The following TOX3 variants were observed in gnomAD, a reference collection of about 807,000 sequenced individuals.
TOX3 encodes CAG trinucleotide repeat-containing gene F9 protein.
A neutral mutation model predicts 64.3 loss-of-function variants in TOX3; 22 were observed. That is an observed-to-expected ratio of 0.34 (90% CI 0.24 to 0.49). The LOEUF (loss-of-function observed/expected upper bound fraction) is 0.49, where lower values mean the gene tolerates loss of function less well. Ranked by LOEUF, TOX3 falls within the 20% of genes least tolerant of loss-of-function variation. The pLI is 0.99. For missense variants in TOX3, 661 were observed against 714.4 expected (o/e 0.93, Z 0.85); for synonymous variants, 291 against 273.6 (o/e 1.06, Z -0.63).
rs45482094 is a variant in TOX3, at chr16:52,535,424, C to T, written c.87+11213G>A. Among the ~76,000 whole-genome samples the T allele has an allele frequency of 4.5e-3, 683 of 152,292 alleles. 2 individuals are homozygous for T. The highest frequency in any genetic ancestry group is 6.2e-3 in the Non-Finnish European group (424 of 68,024). ...GCCCTTGATCCCCTTCAATCCCCTTCGTCCTTCTTGCTGGTCAAACCATGG... is the reference window on the plus strand; with the variant it reads ...GCCCTTGATCCCCTTCAATCCCCTTTGTCCTTCTTGCTGGTCAAACCATGG... On this transcript the variant is annotated intron_variant, in intron 1 of 6. Transcript: ENST00000219746.
chr16:52,459,553 A>G lies in TOX3; in HGVS notation c.408+4381T>C, dbSNP rs561114122. Among the ~76,000 whole-genome samples, 4 of 152,282 alleles carry G rather than the reference A, an allele frequency of 2.6e-5. No homozygotes were observed. The East Asian group carries it at 5.8e-4, about 22-fold the overall frequency. On this transcript the variant is annotated intron_variant, in intron 3 of 6. Transcript: ENST00000219746. ...CAAAATTATTCAATATGTATGATAA[A>G]TTTGTAAGCATTCAATTTGTATGAG...
chr16:52,511,669 T>G (rs928412089), intron 1 of TOX3, among the ~76,000 whole-genome samples: 5 of 152,220 alleles, frequency 3.3e-5, no homozygotes, highest in African/African-American at 1.2e-4. Flanking sequence ...TTTTTCTTTT[T>G]GTGTGTTTGT....
chr16:52,542,977 TAGAA>T (rs1963107291), intron 1 of TOX3, among the ~76,000 whole-genome samples: 1 of 152,082 alleles, frequency 6.6e-6, no homozygotes, highest in East Asian at 1.9e-4. Context: ...ACATAATAAT[TAGAA>T]AGCAAAGTCT....
At chr16:52,440,567 T>C (rs1959937325) in intron 6 of TOX3, among the ~76,000 whole-genome samples, 1 of 152,112 alleles carries the variant, frequency 6.6e-6, no homozygotes, top group South Asian at 2.1e-4. Context: ...TTCTTCTGCA[T>C]TTAAGTCTGT....
chr16:52,441,181 AAC>A (rs1438177363), intron 6 of TOX3, among the ~76,000 whole-genome samples: 2 of 152,176 alleles, frequency 1.3e-5, no homozygotes, highest in Non-Finnish European at 2.9e-5. Flanking sequence ...TTTATTAGTT[AAC>A]AGTTACTATT....
chr16:52,542,835 G>C (rs540356894), intron 1 of TOX3, among the ~76,000 whole-genome samples: 2 of 152,264 alleles, frequency 1.3e-5, no homozygotes, highest in South Asian at 4.1e-4. Flanking sequence ...TCCCCAAGAA[G>C]ATTGACAAAT....
chr16:52,525,712 C>T (rs967930189), intron 1 of TOX3, among the ~76,000 whole-genome samples: 5 of 152,184 alleles, frequency 3.3e-5, no homozygotes, highest in African/African-American at 1.2e-4. Flanking sequence ...CACACACGCA[C>T]ACCATTCCAA....
intron 3 of TOX3, among the ~76,000 whole-genome samples, chr16:52,461,840 G>A (rs1295156584): frequency 3.3e-5 from 5 of 152,170 alleles, no homozygotes; most frequent in African/African-American, 7.2e-5. Flanking sequence ...CTCAGTACCC[G>A]CAGAGAGATA....
chr16:52,489,190 C>A (rs901668786), intron 1 of TOX3, among the ~76,000 whole-genome samples: 3 of 152,090 alleles, frequency 2.0e-5, no homozygotes, highest in Non-Finnish European at 4.4e-5. Flanking sequence ...TTCATCTTTT[C>A]CCACTCCACT....
chr16:52,527,879 G>A (rs1165485851), intron 1 of TOX3, among the ~76,000 whole-genome samples: 3 of 152,122 alleles, frequency 2.0e-5, no homozygotes, highest in African/African-American at 4.8e-5. Context: ...GGGGACGTTC[G>A]GCAATATCTA....
chr16:52,454,788 T>A (rs1158533301), intron 3 of TOX3, among the ~76,000 whole-genome samples: 1 of 152,148 alleles, frequency 6.6e-6, no homozygotes, highest in Non-Finnish European at 1.5e-5. Context: ...ACCAGGAAAT[T>A]ACCATGCGAT....
At chr16:52,441,470 T>G (rs747548053) in intron 6 of TOX3, among the ~76,000 whole-genome samples, 5 of 152,140 alleles carry the variant, frequency 3.3e-5, no homozygotes, top group Non-Finnish European at 7.4e-5. Context: ...AGAGAGAAAC[T>G]ATCTATTACA....
At chr16:52,490,626 A>ATTTTTTTT (rs3086679) in intron 1 of TOX3, among the ~76,000 whole-genome samples, 2,867 of 98,812 alleles carry the variant, frequency 0.029, 295 homozygotes, top group East Asian at 0.13. Context: ...CTAGGATGTA[A>ATTTTTTTT]TTTTTTTTTT....
intron 1 of TOX3, among the ~76,000 whole-genome samples, chr16:52,502,812 T>C (rs1478643292): frequency 1.3e-5 from 2 of 152,210 alleles, no homozygotes; most frequent in African/African-American, 4.8e-5. Flanking sequence ...AAGTATAGCA[T>C]TGGTTTGCTA....
At chr16:52,547,276 C>T (rs1963220301), upstream of TOX3, 1 of 143,714 alleles carries the variant, frequency 7.0e-6, no homozygotes. Flanking sequence ...CGCTCCTCGG[C>T]CCGGACCGCC....
At chr16:52,444,761 A>G (rs1315621339) in intron 5 of TOX3, 2 of 156,080 alleles carry the variant, frequency 1.3e-5, no homozygotes, top group Non-Finnish European at 2.8e-5. Context: ...TTCTCCATCA[A>G]TGTCTTCTTT....
At chr16:52,527,954 C>A (rs1962759462) in intron 1 of TOX3, among the ~76,000 whole-genome samples, 1 of 152,150 alleles carries the variant, frequency 6.6e-6, no homozygotes, top group Non-Finnish European at 1.5e-5. Context: ...GCCAGGGATG[C>A]TGCTAAACCT....
At chr16:52,497,184 C>G (rs1961871628) in intron 1 of TOX3, among the ~76,000 whole-genome samples, 1 of 152,214 alleles carries the variant, frequency 6.6e-6, no homozygotes, top group Non-Finnish European at 1.5e-5. Context: ...TCGGGATCCT[C>G]ACAAACACCA....
At chr16:52,496,971 T>C (rs1160090008) in intron 1 of TOX3, among the ~76,000 whole-genome samples, 1 of 152,166 alleles carries the variant, frequency 6.6e-6, no homozygotes, top group Non-Finnish European at 1.5e-5. Context: ...CAAATTATCT[T>C]GCCCCTAATG....
Sources: allele counts gnomAD v4.1 joint callset (sites outside exome capture counted in the v4.1 genomes callset), GRCh38; gene constraint gnomAD v4.1.1; transcripts MANE v1.5; gene names NCBI Gene and HGNC (gene_info 2026-07-23, HGNC 2026-07-21).